PTGR1: variants seen among roughly 807,000 people sequenced by gnomAD.
PTGR1 encodes prostaglandin reductase 1, also known as 15-oxoprostaglandin 13-reductase.
PTGR1 carries 23 observed loss-of-function variants against 37.7 expected under a neutral mutation model. That is an observed-to-expected ratio of 0.61 (90% CI 0.44 to 0.86). The LOEUF (loss-of-function observed/expected upper bound fraction) is 0.86, where lower values mean the gene tolerates loss of function less well. PTGR1 is among the 40% of genes least tolerant of loss of function. The probability of loss-of-function intolerance (pLI) is 0.00; values close to 1 mark genes in which losing one functional copy is unlikely to be tolerated. For missense variants in PTGR1, 351 were observed against 394.3 expected (o/e 0.89, Z 0.93); for synonymous variants, 134 against 140.0 (o/e 0.96, Z 0.30).
intron 9 of PTGR1, chr9:111,563,539 T>C (rs111703901): frequency 0.061 from 11,222 of 185,106 alleles, 588 homozygotes; most frequent in African/African-American, 0.14. Context: ...AGAGTCTCGC[T>C]CTGTTGCCCA....
chr9:111,569,892 G>A, intron 9 of PTGR1, 199 bp downstream of exon 9: 2 of 816,200 alleles, frequency 2.5e-6, no homozygotes, highest in Non-Finnish European at 3.7e-6. Context: ...CAGTGGAAAT[G>A]AACTTTAGAG....
At chr9:111,551,714 T>C (rs960441554) in intron 9 of PTGR1, among the ~76,000 whole-genome samples, 1 of 152,198 alleles carries the variant, frequency 6.6e-6, no homozygotes, top group African/African-American at 2.4e-5. Context: ...AATTTTTGTT[T>C]AAAATTTGCA....
intron 9 of PTGR1, among the ~76,000 whole-genome samples, chr9:111,567,358 T>C (rs1347856908): frequency 6.6e-6 from 1 of 152,136 alleles, no homozygotes; most frequent in Non-Finnish European, 1.5e-5. Flanking sequence ...CAGCTAATTT[T>C]TGTATTTTTA....
At chr9:111,591,370 CTTTT>C (rs756079285) in intron 4 of PTGR1, among the ~76,000 whole-genome samples, 3 of 122,068 alleles carry the variant, frequency 2.5e-5, no homozygotes, top group East Asian at 2.2e-4. Flanking sequence ...TTTTCTTTTT[CTTTT>C]TTTTTTTTTT....
chr9:111,577,327 T>C (rs1204044884), intron 7 of PTGR1: 2 of 152,318 alleles, frequency 1.3e-5, no homozygotes, highest in South Asian at 2.1e-4. Context: ...TTGGTGAGTA[T>C]GTAGAGAAGT....
In PTGR1 at chr9:111,562,797, G is replaced by T; in HGVS notation, c.*324C>A. The stretch of plus-strand genomic sequence containing the variant: ...CAGCGTGTGTTGTTCCCCTCCCTAT[G>T]TCCATGTGTTCTCATTGTTCAGCTC... On this transcript the variant is annotated 3_prime_UTR_variant, in exon 10 of 10. Transcript: ENST00000407693. 1 of 344,266 alleles carries T rather than the reference G, an allele frequency of 2.9e-6. No individual in the cohort carries two copies. Among genetic ancestry groups the T allele is most frequent in the Non-Finnish European group, 4.6e-6 (1 of 217,758 alleles). The allele number at this position is 344,266 out of a possible 1,614,324, so 21.3% of individuals were successfully genotyped here.
intron 9 of PTGR1, among the ~76,000 whole-genome samples, chr9:111,554,815 C>T (rs1828073974): frequency 6.6e-6 from 1 of 152,096 alleles, no homozygotes; most frequent in Non-Finnish European, 1.5e-5. Context: ...AAGGGGAGAC[C>T]ACTGTATTTT....
chr9:111,550,869 G>A (rs1241523733), intron 9 of PTGR1, among the ~76,000 whole-genome samples: 1 of 152,064 alleles, frequency 6.6e-6, no homozygotes, highest in African/African-American at 2.4e-5. Context: ...GTGTCTTTCT[G>A]TGTTATTCTG....
At chr9:111,583,395 A>C in intron 6 of PTGR1, 77 bp downstream of exon 6, 1 of 1,236,300 alleles carries the variant, frequency 8.1e-7, no homozygotes, top group Non-Finnish European at 1.2e-6. Flanking sequence ...CCTGAGGCCA[A>C]GGAAGATTTG....
At chr9:111,564,180 T>C in intron 9 of PTGR1, 1 of 1,019,350 alleles carries the variant, frequency 9.8e-7, no homozygotes, top group Non-Finnish European at 1.2e-6. Flanking sequence ...TTCGCTAATG[T>C]ATTCCAGTGA....
chr9:111,583,303 A>G (rs1011529972), intron 6 of PTGR1, among the ~76,000 whole-genome samples, 169 bp downstream of exon 6: 1 of 152,256 alleles, frequency 6.6e-6, no homozygotes, highest in African/African-American at 2.4e-5. Context: ...AACAATGTTC[A>G]GCTTATCTTT....
At chr9:111,565,982 C>T (rs144199697) in intron 9 of PTGR1, among the ~76,000 whole-genome samples, 5 of 152,062 alleles carry the variant, frequency 3.3e-5, no homozygotes, top group African/African-American at 1.2e-4. Flanking sequence ...GAGGCTGAGG[C>T]AGGAGAATCA....
At chr9:111,551,472 A>G (rs938979299) in intron 9 of PTGR1, among the ~76,000 whole-genome samples, 5 of 135,206 alleles carry the variant, frequency 3.7e-5, no homozygotes, top group Admixed American at 2.6e-4. Context: ...CAGTGGCGCA[A>G]TCTTGGTCCA....
intron 9 of PTGR1, chr9:111,564,126 T>C (rs1481026444): frequency 2.5e-6 from 1 of 399,112 alleles, no homozygotes; most frequent in Non-Finnish European, 3.6e-6. Flanking sequence ...TCAGATTTTT[T>C]TAAGGGGTCT....
intron 3 of PTGR1, 147 bp downstream of exon 3, chr9:111,594,075 G>T (rs528010650): frequency 6.1e-6 from 5 of 820,142 alleles, no homozygotes; most frequent in East Asian, 2.7e-5. Context: ...AAAGACGAGC[G>T]TGCATGAATC....
chr9:111,589,858 C>A (rs1274282559), intron 4 of PTGR1, among the ~76,000 whole-genome samples: 1 of 152,034 alleles, frequency 6.6e-6, no homozygotes, highest in Non-Finnish European at 1.5e-5. Flanking sequence ...TGGTTTTGAA[C>A]TCCCGACCTC....
intron 9 of PTGR1, among the ~76,000 whole-genome samples, chr9:111,554,512 A>C (rs1305285861): frequency 4.6e-5 from 7 of 152,092 alleles, no homozygotes; most frequent in Non-Finnish European, 2.9e-5. Flanking sequence ...ATGCTCCAAG[A>C]CCTCGAGTGG....
intron 4 of PTGR1, among the ~76,000 whole-genome samples, chr9:111,592,096 G>T (rs1564622405): frequency 1.3e-5 from 2 of 152,130 alleles, no homozygotes; most frequent in Non-Finnish European, 2.9e-5. Context: ...GATAAGATAG[G>T]GCTGTAAATG....
At chr9:111,588,834 A>AT (rs1008970673) in intron 4 of PTGR1, among the ~76,000 whole-genome samples, 4 of 151,822 alleles carry the variant, frequency 2.6e-5, no homozygotes, top group Non-Finnish European at 4.4e-5. Flanking sequence ...ACTTTTTTGT[A>AT]TTTTTTTGTA....
Sources: allele counts gnomAD v4.1 joint callset (sites outside exome capture counted in the v4.1 genomes callset), GRCh38; gene constraint gnomAD v4.1.1; transcripts MANE v1.5; gene names NCBI Gene and HGNC (gene_info 2026-07-23, HGNC 2026-07-21).